Variants in CST11 observed in about 807,000 individuals in gnomAD.
The protein encoded by CST11 is cystatin 11, also known as cystatin-11.
A neutral mutation model predicts 14.0 loss-of-function variants in CST11; 13 were observed. The observed-to-expected ratio is 0.93, with a 90% CI of 0.60 to 1.47. The LOEUF (loss-of-function observed/expected upper bound fraction) is 1.47, where lower values mean the gene tolerates loss of function less well. CST11 is among the 40% of genes most tolerant of loss of function. The pLI is 0.00. For synonymous variants in CST11, 64 were observed against 57.8 expected, an observed-to-expected ratio of 1.11 and a Z score of -0.48; for missense variants, 181 against 160.0, an observed-to-expected ratio of 1.13 and a Z score of -0.71.
intron 1 of CST11, among the ~76,000 whole-genome samples, chr20:23,452,184 G>A (rs556239004): frequency 1.3e-5 from 2 of 152,300 alleles, no homozygotes; most frequent in East Asian, 1.9e-4. Context: ...TTCTGGATAG[G>A]GGTCTGTAAA....
At chr20:23,452,538 T>C (rs756585762) in intron 1 of CST11, 46 bp downstream of exon 1, 3 of 1,242,224 alleles carry the variant, frequency 2.4e-6, no homozygotes, top group East Asian at 2.3e-5. Flanking sequence ...GGCCACCCGA[T>C]GTGGGCGTAT....
chr20:23,450,442 A>G lies in CST11; in HGVS notation c.*64T>C, dbSNP rs1449187857. On this transcript the variant is annotated 3_prime_UTR_variant, in exon 3 of 3. Coordinates refer to ENST00000377009, the MANE Select transcript of CST11 (RefSeq NM_130794.2). ...TGACAAACATTTATTGCCTATATTA[A>G]GGATTATTGCCCATTGCAGGATTCT... The G allele has an allele frequency of 1.5e-5, 15 of 1,005,046 alleles. No individual in the cohort carries two copies. The highest frequency in any genetic ancestry group is 2.2e-5 in the Non-Finnish European group (15 of 669,570). 62.3% of individuals were successfully genotyped at this position (1,005,046 alleles called of 1,614,324 possible).
chr20:23,450,612 T>C, intron 2 of CST11, 23 bp from the exon 3 acceptor site: 1 of 1,584,864 alleles, frequency 6.3e-7, no homozygotes, highest in Non-Finnish European at 8.6e-7. Flanking sequence ...ACAAAGGCAA[T>C]ATTTTAAAAG....
Position 23,452,643 on chromosome 20 carries a change from T to C in CST11, c.169A>G (p.Lys57Glu), listed in dbSNP as rs904373845. 1.2e-5 allele frequency: 19 copies of C among 1,614,014 alleles called. No homozygotes were observed. The highest frequency in any genetic ancestry group is 1.5e-5 in the Non-Finnish European group (18 of 1,179,978). Reference protein sequence around the residue: ...SLQWITDQYNKESDDKYHFRI... With the variant: ...SLQWITDQYNEESDDKYHFRI... ...AAGTGGTACTTGTCATCACTTTCCT[T>C]GTTATACTGGTCGGTGATCCACTGC... Residue 57 changes from lysine (K) to glutamate (E), a missense_variant, in exon 1 of 3, where the codon AAG becomes GAG. By Grantham distance (56) the Lys-to-Glu change is moderately conservative. Transcript: ENST00000377009.
chr20:23,450,829 A>G (rs1354945673), intron 2 of CST11, among the ~76,000 whole-genome samples: 1 of 152,190 alleles, frequency 6.6e-6, no homozygotes. Context: ...TGCGCAGCCC[A>G]TATTCACCAT....
chr20:23,450,575 GA>G lies in CST11; in HGVS notation c.347del (p.Phe116SerfsTer16), dbSNP rs1987059064. The G allele has an allele frequency of 3.1e-6, 5 of 1,608,698 alleles. No individual in the cohort carries two copies. Among genetic ancestry groups the G allele is most frequent in the Non-Finnish European group, 4.3e-6 (5 of 1,176,428 alleles). On this transcript the variant is annotated frameshift_variant, in exon 3 of 3. Transcript: ENST00000377009. LOFTEE classifies it high-confidence loss of function. ...ERELHKQVNC[F>X]FSVFAVPWFE... ...ACCAGGGTACAGCAAACACTGAGAA[GA>G]AGCAGTTGACTTGCTAAAACAAAAA...
chr20:23,451,153 C>T (rs1358873326), intron 2 of CST11, among the ~76,000 whole-genome samples: 1 of 152,212 alleles, frequency 6.6e-6, no homozygotes, highest in African/African-American at 2.4e-5. Context: ...TCCATCTTTA[C>T]TTCCTGACTT....
chr20:23,451,761 G>GA, intron 2 of CST11, 55 bp downstream of exon 2: 1 of 1,333,490 alleles, frequency 7.5e-7, no homozygotes, highest in Non-Finnish European at 1.1e-6. Context: ...TAAAGCCACA[G>GA]AAAAACCTCA....
intron 1 of CST11, 147 bp from the exon 2 acceptor site, chr20:23,452,067 T>C: frequency 5.1e-6 from 3 of 586,370 alleles, no homozygotes; most frequent in Non-Finnish European, 9.2e-6. Flanking sequence ...TCTATTTGAC[T>C]CATGATTGTT....
intron 2 of CST11, among the ~76,000 whole-genome samples, chr20:23,451,208 T>C (rs1987078017): frequency 6.6e-6 from 1 of 152,196 alleles, no homozygotes; most frequent in Non-Finnish European, 1.5e-5. Flanking sequence ...CATTTCTTCA[T>C]CCATCTGTCC....
intron 2 of CST11, 100 bp downstream of exon 2, chr20:23,451,716 T>C: frequency 1.2e-6 from 1 of 850,988 alleles, no homozygotes; most frequent in Non-Finnish European, 1.9e-6. Context: ...CAAGCCAGCT[T>C]GAGTAAATTC....
chr20:23,451,598 A>G (rs577573350), intron 2 of CST11, among the ~76,000 whole-genome samples: 2 of 152,192 alleles, frequency 1.3e-5, no homozygotes, highest in African/African-American at 2.4e-5. Context: ...CTCTCTGGAC[A>G]TGTTCAGCCT....
intron 2 of CST11, among the ~76,000 whole-genome samples, chr20:23,451,264 G>T (rs1471957322): frequency 6.6e-6 from 1 of 150,584 alleles, no homozygotes; most frequent in Non-Finnish European, 1.5e-5. Context: ...TGGGATGAAG[G>T]CCTGTTGGAG....
intron 1 of CST11, 51 bp downstream of exon 1, chr20:23,452,533 C>T: frequency 5.8e-6 from 7 of 1,206,564 alleles, no homozygotes; most frequent in Non-Finnish European, 8.7e-6. Context: ...CCAGTGGCCA[C>T]CCGATGTGGG....
At position 23,452,674 on chromosome 20, in the gene CST11, G is replaced by A. The variant is rs779181001; in HGVS notation, c.138C>T (p.Asp46=). The change falls in exon 1 of 3, where the codon GAC becomes GAT. Residue 46 remains aspartate, a synonymous_variant. Coordinates refer to ENST00000377009, the MANE Select transcript of CST11 (RefSeq NM_130794.2). ...EVMAVENYAK[D]SLQWITDQYN... The stretch of plus-strand genomic sequence containing the variant: ...ACTGGTCGGTGATCCACTGCAAGCT[G>A]TCCTTCGCATAGTTTTCTACTGCCA... 7 of 1,613,882 alleles carry A rather than the reference G, an allele frequency of 4.3e-6. No homozygotes were observed. Among genetic ancestry groups the A allele is most frequent in the African/African-American group, 4.0e-5 (3 of 74,920 alleles).
rs1211104151 is a variant in CST11 at position 23,450,555 on chromosome 20, G to C, written c.368C>G (p.Pro123Arg). The C allele has an allele frequency of 6.2e-7, 1 of 1,611,224 alleles. No homozygotes were observed. The highest frequency in any genetic ancestry group is 8.5e-7 in the Non-Finnish European group (1 of 1,177,954). Residue 123 changes from proline to arginine, a missense_variant, in exon 3 of 3, where the codon CCC (proline) becomes CGC (arginine). Physicochemically the swap from Pro to Arg is moderately radical, Grantham distance 103 (BLOSUM62 -2). Coordinates refer to ENST00000377009, the MANE Select transcript of CST11 (RefSeq NM_130794.2). ...VNCFFSVFAVPWFEQYKILNK... is the reference protein window; with the variant it reads ...VNCFFSVFAVRWFEQYKILNK... Reference sequence around the variant, plus strand: ...CAAAATTTTGTACTGTTCAAACCAGGGTACAGCAAACACTGAGAAGAAGCA... The same window carrying C: ...CAAAATTTTGTACTGTTCAAACCAGCGTACAGCAAACACTGAGAAGAAGCA...
intron 1 of CST11, 103 bp from the exon 2 acceptor site, chr20:23,452,023 C>G (rs777145660): frequency 1.3e-6 from 1 of 793,922 alleles, no homozygotes; most frequent in Non-Finnish European, 2.2e-6. Context: ...GGGCAAGGAG[C>G]TGGTCCTAGG....
Position 23,451,936 on chromosome 20 carries a change from G to A in CST11, c.229-16C>T, listed in dbSNP as rs576847119. Reference sequence around the variant, plus strand: ...GGTCAGTGACCTGTGGGCGCCAGGCGTGGGGGAGGCACAGCTTGTCCCCTT... The same window carrying A: ...GGTCAGTGACCTGTGGGCGCCAGGCATGGGGGAGGCACAGCTTGTCCCCTT... On this transcript the variant is annotated splice_polypyrimidine_tract_variant and intron_variant, in intron 1 of 2. Coordinates refer to ENST00000377009, the MANE Select transcript of CST11 (RefSeq NM_130794.2). 26 of 1,590,676 alleles carry A rather than the reference G, an allele frequency of 1.6e-5. No individual in the cohort carries two copies. The highest frequency in any genetic ancestry group is 1.6e-4 in the East Asian group (7 of 44,668).
At position 23,452,804 on chromosome 20, in the gene CST11, G is replaced by C. The variant is rs200290505; in HGVS notation, c.8C>G (p.Ala3Gly). 2.4e-4 allele frequency: 392 copies of C among 1,612,806 alleles called. No individual in the cohort carries two copies. The highest frequency in any genetic ancestry group is 3.1e-4 in the Non-Finnish European group (361 of 1,179,016). ...GAGCTGTAGGGCCTGCCAGGGCTCA[G>C]CCATCATCCTTCAGCTGCAGAGGAA... MMAEPWQALQLLL... is the reference protein window; with the variant it reads MMGEPWQALQLLL... The change falls in exon 1 of 3, where the codon GCT becomes GGT. Residue 3 changes from alanine (A) to glycine (G), a missense_variant. Physicochemically the swap from Ala to Gly is moderately conservative, Grantham distance 60 (BLOSUM62 0). Transcript: ENST00000377009.
Sources: allele counts gnomAD v4.1 joint callset (sites outside exome capture counted in the v4.1 genomes callset), GRCh38; gene constraint gnomAD v4.1.1; transcripts MANE v1.5; gene names NCBI Gene and HGNC (gene_info 2026-07-23, HGNC 2026-07-21).